The following SLC14A2 variants were observed in gnomAD, a reference collection of about 807,000 sequenced individuals.
SLC14A2 encodes urea transporter 2.
Under a neutral mutation model 104.6 loss-of-function variants are expected in SLC14A2, and 91 were observed. The ratio of observed to expected loss-of-function variants is 0.87; its 90% CI spans 0.73 to 1.04. The LOEUF (loss-of-function observed/expected upper bound fraction) is 1.04. Ranked by LOEUF, SLC14A2 falls within the 50% of genes least tolerant of loss-of-function variation. The pLI, the probability that SLC14A2 is intolerant of heterozygous loss-of-function variation, is 0.00. For synonymous variants in SLC14A2, 476 were observed against 466.4 expected (o/e 1.02, Z -0.27); for missense variants, 1,189 against 1,156.0 (o/e 1.03, Z -0.41).
the SLC14A2 span, among the ~76,000 whole-genome samples, chr18:45,188,293 C>T: frequency 6.6e-6 from 1 of 152,128 alleles, no homozygotes; most frequent in Non-Finnish European, 1.5e-5. Flanking sequence ...TCTACTGATG[C>T]TCTCAGGTAA....
chr18:45,300,589 G>A (rs1226884884), intron 1 of SLC14A2, among the ~76,000 whole-genome samples: 3 of 152,188 alleles, frequency 2.0e-5, no homozygotes, highest in African/African-American at 7.2e-5. Context: ...TGCAGGGGAT[G>A]TGAAGTTTTT....
intron 10 of SLC14A2, among the ~76,000 whole-genome samples, chr18:45,663,507 G>C (rs1414999167): frequency 1.3e-5 from 2 of 152,204 alleles, no homozygotes; most frequent in African/African-American, 2.4e-5. Flanking sequence ...ATGGGTCTTA[G>C]AGTGCTTCCT....
chr18:45,646,080 T>C (rs1464404376), intron 10 of SLC14A2: 2 of 152,158 alleles, frequency 1.3e-5, no homozygotes, highest in Non-Finnish European at 2.9e-5. Context: ...GGATACCCAG[T>C]GATGTGCACT....
At chr18:45,594,260 T>G (rs1414075677) in intron 2 of SLC14A2, among the ~76,000 whole-genome samples, 1 of 152,186 alleles carries the variant, frequency 6.6e-6, no homozygotes, top group African/African-American at 2.4e-5. Flanking sequence ...AGTACCAGGA[T>G]GCAGAGTATT....
intron 1 of SLC14A2, among the ~76,000 whole-genome samples, chr18:45,474,634 A>ATT (rs1188916381): frequency 6.6e-6 from 1 of 152,062 alleles, no homozygotes; most frequent in Non-Finnish European, 1.5e-5. Flanking sequence ...GAATTTATCC[A>ATT]TTTCTTCTAG....
chr18:45,520,754 C>A (rs1216605500), intron 2 of SLC14A2, among the ~76,000 whole-genome samples: 1 of 152,144 alleles, frequency 6.6e-6, no homozygotes, highest in East Asian at 1.9e-4. Context: ...GTTACCTCAA[C>A]CTCTGGGAAC....
intron 1 of SLC14A2, among the ~76,000 whole-genome samples, chr18:45,349,802 C>G (rs2085484873): frequency 6.6e-6 from 1 of 152,206 alleles, no homozygotes; most frequent in Non-Finnish European, 1.5e-5. Context: ...AGAGAACTAA[C>G]TAGGCATAAC....
chr18:45,639,541 G>A (rs2144549342), intron 6 of SLC14A2, among the ~76,000 whole-genome samples: 1 of 152,248 alleles, frequency 6.6e-6, no homozygotes, highest in East Asian at 1.9e-4. Flanking sequence ...TTTGCATGAG[G>A]GATGCTCACA....
At chr18:45,274,255 A>C (rs1460514363) in intron 1 of SLC14A2, among the ~76,000 whole-genome samples, 1 of 152,144 alleles carries the variant, frequency 6.6e-6, no homozygotes, top group Non-Finnish European at 1.5e-5. Context: ...TTCATGCAAG[A>C]TGTGTGTTGT....
chr18:45,531,494 T>A (rs1467984412), intron 2 of SLC14A2, among the ~76,000 whole-genome samples: 1 of 152,234 alleles, frequency 6.6e-6, no homozygotes, highest in African/African-American at 2.4e-5. Context: ...TGCATAAATG[T>A]CTTCTTTTGA....
chr18:45,541,622 AG>A (rs1348696429), intron 2 of SLC14A2, among the ~76,000 whole-genome samples: 1 of 152,252 alleles, frequency 6.6e-6, no homozygotes, highest in Non-Finnish European at 1.5e-5. Flanking sequence ...ATATCATTCT[AG>A]GCCTGAGCTA....
At chr18:45,183,360 AT>A in the SLC14A2 span, among the ~76,000 whole-genome samples, 1 of 152,070 alleles carries the variant, frequency 6.6e-6, no homozygotes, top group Non-Finnish European at 1.5e-5. Flanking sequence ...CTCACCTTTT[AT>A]CTTGCTGCAC....
At chr18:45,273,385 A>G (rs1453605104) in intron 1 of SLC14A2, among the ~76,000 whole-genome samples, 1 of 152,114 alleles carries the variant, frequency 6.6e-6, no homozygotes, top group Non-Finnish European at 1.5e-5. Flanking sequence ...ATGGGATGCT[A>G]TGATTGGTTA....
Position 45,672,914 on chromosome 18 carries a change from C to A in SLC14A2, c.2244C>A (p.Ile748=), listed in dbSNP as rs146120680. 1.2e-6 allele frequency: 2 copies of A among 1,613,432 alleles called. No individual in the cohort carries two copies. Among genetic ancestry groups the A allele is most frequent in the Non-Finnish European group, 1.7e-6 (2 of 1,179,732 alleles). Residue 748 remains isoleucine (I), a synonymous_variant, in exon 17 of 20, where the codon ATC becomes ATA. Coordinates refer to ENST00000255226, the MANE Select transcript of SLC14A2 (RefSeq NM_007163.4). The part of the protein sequence containing the change: ...EVQVPLLLRA[I]PVGIGQVYGC... ...TATGCCTACAGCTTTTGAGAGCCAT[C>A]CCCGTTGGAATTGGCCAAGTGTACG...
At chr18:45,430,890 T>A (rs140601778) in intron 1 of SLC14A2, among the ~76,000 whole-genome samples, 1 of 152,180 alleles carries the variant, frequency 6.6e-6, no homozygotes, top group Non-Finnish European at 1.5e-5. Context: ...AGCTGATGAC[T>A]GGAATGGACA....
At chr18:45,492,458 G>T (rs751711737) in intron 2 of SLC14A2, among the ~76,000 whole-genome samples, 1 of 152,128 alleles carries the variant, frequency 6.6e-6, no homozygotes, top group Non-Finnish European at 1.5e-5. Context: ...GTGTGTAAGT[G>T]CAGGGAAAAC....
intron 1 of SLC14A2, among the ~76,000 whole-genome samples, chr18:45,398,015 AAT>A (rs2086055185): frequency 6.6e-6 from 1 of 152,180 alleles, no homozygotes; most frequent in Non-Finnish European, 1.5e-5. Flanking sequence ...GTTAGGAAGT[AAT>A]ATTTATTGAG....
At chr18:45,380,774 C>T (rs1377775721) in intron 1 of SLC14A2, among the ~76,000 whole-genome samples, 1 of 152,152 alleles carries the variant, frequency 6.6e-6, no homozygotes, top group Non-Finnish European at 1.5e-5. Context: ...GGCCTAGCTG[C>T]GAGTGCCAGA....
chr18:45,673,930 C>G, intron 18 of SLC14A2, 113 bp downstream of exon 18: 1 of 1,076,680 alleles, frequency 9.3e-7, no homozygotes, highest in Middle Eastern at 2.2e-4. Flanking sequence ...ACACTATTTT[C>G]ACTGAATACT....
Sources: gnomAD v4.1 joint callset for allele counts (sites outside exome capture counted in the v4.1 genomes callset) on GRCh38, gnomAD v4.1.1 for gene constraint, MANE v1.5 for transcripts, NCBI Gene and HGNC (gene_info 2026-07-23, HGNC 2026-07-21) for gene names.